The following MARK2 variants were observed in gnomAD, a reference collection of about 807,000 sequenced individuals.
MARK2 encodes microtubule affinity regulating kinase 2.
In MARK2, 16 loss-of-function variants were observed where a neutral mutation model predicts 89.8. That is an observed-to-expected ratio of 0.18 (90% CI 0.12 to 0.27). MARK2 has a LOEUF of 0.27. MARK2 is among the 10% of genes least tolerant of loss of function. The pLI is 1.00. For missense variants in MARK2, 621 were observed against 1,049.9 expected (o/e 0.59, Z 5.65); for synonymous variants, 382 against 399.5 (o/e 0.96, Z 0.52).
In MARK2 at chr11:63,904,091, C is replaced by A; in HGVS notation, c.1620C>A (p.Pro540=). 1.2e-6 allele frequency: 2 copies of A among 1,604,498 alleles called. No individual in the cohort carries two copies. Among genetic ancestry groups the A allele is most frequent in the Non-Finnish European group, 8.5e-7 (1 of 1,178,990 alleles). ...HQKSMSASVH[P]NKASGLPPTE... ...AATCCATGTCGGCCTCCGTGCACCC[C>A]AACAAGGCCTCTGGGCTGCCCCCCA... is the stretch of plus-strand genomic sequence containing the variant. Residue 540 remains proline (P), a synonymous_variant, in exon 15 of 19, where the codon CCC becomes CCA. Transcript: ENST00000402010. This position sits in a 1 kb window ranked among gnomAD's most constrained non-coding sequence, Gnocchi z 6.3.
intron 7 of MARK2, among the ~76,000 whole-genome samples, 195 bp from the exon 8 acceptor site, chr11:63,899,679 T>C (rs1295691726): frequency 6.6e-6 from 1 of 152,204 alleles, no homozygotes; most frequent in Non-Finnish European, 1.5e-5. Flanking sequence ...GCTGCCCACG[T>C]GAGGAGTGGC....
At chr11:63,888,614 C>G in intron 1 of MARK2, 2 of 1,146,600 alleles carry the variant, frequency 1.7e-6, no homozygotes, top group South Asian at 3.6e-5. Flanking sequence ...CCTGGAATTG[C>G]ACGCGCTTCC....
chr11:63,841,409 C>A (rs2016009622), intron 1 of MARK2, among the ~76,000 whole-genome samples: 1 of 152,110 alleles, frequency 6.6e-6, no homozygotes, highest in African/African-American at 2.4e-5. Flanking sequence ...TCCATTTCAT[C>A]ACTGGGTTTG....
Position 63,898,654 on chromosome 11 carries a change from C to G in MARK2, c.384C>G (p.Val128=). The part of the protein sequence containing the change: ...VIETEKTLYL[V]MEYASGGEVF... ...AGACTGAGAAAACGCTCTACCTTGT[C>G]ATGGAGTACGCTAGTGGCGGTAGGT... is the stretch of plus-strand genomic sequence containing the variant. The change falls in exon 5 of 19, where the codon GTC becomes GTG. Residue 128 remains valine, a synonymous_variant. Transcript: ENST00000402010. 1 of 1,614,138 alleles carries G rather than the reference C, an allele frequency of 6.2e-7. No individual in the cohort carries two copies. Among genetic ancestry groups the G allele is most frequent in the African/African-American group, 1.3e-5 (1 of 75,054 alleles).
chr11:63,905,155 G>T (rs1941226599), intron 16 of MARK2, 112 bp downstream of exon 16: 2 of 1,260,378 alleles, frequency 1.6e-6, no homozygotes, highest in Non-Finnish European at 2.2e-6. Context: ...CCGGTATTGG[G>T]TCCTGGGGTT....
intron 18 of MARK2, among the ~76,000 whole-genome samples, chr11:63,908,533 C>T (rs1246360072): frequency 5.3e-5 from 8 of 152,190 alleles, no homozygotes; most frequent in East Asian, 1.9e-4. Context: ...AGTTCTGGGT[C>T]GGGTGGTTGG....
In MARK2 at chr11:63,870,639, G is replaced by C. The variant is rs116175748; in HGVS notation, c.55-24520G>C. On this transcript the variant is annotated intron_variant, in intron 1 of 18. Transcript: ENST00000402010. Reference sequence around the variant, plus strand: ...TGCTGCTCTCAGTCTGTGTAATAGTGAACAAGACAGCCAACAAGAGTTGTG... The same window carrying C: ...TGCTGCTCTCAGTCTGTGTAATAGTCAACAAGACAGCCAACAAGAGTTGTG... 1.2e-3 allele frequency among the ~76,000 whole-genome samples: 189 copies of C among 152,310 alleles called. 1 individual carries two copies. Among genetic ancestry groups the C allele is most frequent in the African/African-American group, 4.4e-3 (184 of 41,558 alleles).
At chr11:63,870,365 G>A (rs1312844092) in intron 1 of MARK2, among the ~76,000 whole-genome samples, 2 of 152,130 alleles carry the variant, frequency 1.3e-5, no homozygotes, top group Non-Finnish European at 2.9e-5. Flanking sequence ...GAGCCGTGGC[G>A]CCCGGCTGGG....
rs1276154302 is a variant in MARK2, at chr11:63,903,050, A to G, written c.1417-11A>G. 6.2e-7 allele frequency: 1 copy of G among 1,612,376 alleles called. No individual in the cohort carries two copies. The highest frequency in any genetic ancestry group is 1.1e-5 in the South Asian group (1 of 91,046). ...CTTTCTGATAGAACGCTTGCCCTTT[A>G]TTCCCCACAGAACAGCGTCCTCTCC... is the stretch of plus-strand genomic sequence containing the variant. On this transcript the variant is annotated splice_polypyrimidine_tract_variant and intron_variant, in intron 13 of 18. Transcript: ENST00000402010. The surrounding 1 kb of genome is among the most constrained non-coding windows in gnomAD (Gnocchi z 5.1).
At chr11:63,889,003 C>T (rs1006683483) in intron 1 of MARK2, 2 of 1,323,364 alleles carry the variant, frequency 1.5e-6, no homozygotes, top group African/African-American at 3.0e-5. Context: ...TTGCCTCCTC[C>T]TCTTTCTTTC....
intron 1 of MARK2, among the ~76,000 whole-genome samples, chr11:63,857,218 G>A (rs983299976): frequency 6.6e-6 from 1 of 152,162 alleles, no homozygotes; most frequent in Non-Finnish European, 1.5e-5. Context: ...CCAGGGTGGA[G>A]TGTGGTGGCA....
intron 4 of MARK2, among the ~76,000 whole-genome samples, 157 bp downstream of exon 4, chr11:63,898,437 AC>A (rs1401865397): frequency 6.6e-6 from 1 of 152,124 alleles, no homozygotes; most frequent in Non-Finnish European, 1.5e-5. Context: ...CCCTTCTGGC[AC>A]ACTGGGCTGT....
intron 1 of MARK2, among the ~76,000 whole-genome samples, chr11:63,874,377 T>G (rs1044859370): frequency 6.6e-6 from 1 of 152,214 alleles, no homozygotes; most frequent in African/African-American, 2.4e-5. Context: ...ACATCTCCTC[T>G]TTTTTCAGCC....
intron 1 of MARK2, among the ~76,000 whole-genome samples, chr11:63,844,987 G>A (rs562113514): frequency 1.3e-5 from 2 of 152,192 alleles, no homozygotes; most frequent in African/African-American, 4.8e-5. Context: ...GCCCATTATC[G>A]ACAAATGGGG....
At chr11:63,894,041 G>A (rs556036248) in intron 1 of MARK2, among the ~76,000 whole-genome samples, 1 of 152,324 alleles carries the variant, frequency 6.6e-6, no homozygotes, top group Non-Finnish European at 1.5e-5. Context: ...AGTGCTGGTA[G>A]TTGTAGCTTC....
At chr11:63,887,014 T>C (rs1939441199) in intron 1 of MARK2, among the ~76,000 whole-genome samples, 2 of 152,176 alleles carry the variant, frequency 1.3e-5, no homozygotes, top group African/African-American at 2.4e-5. Flanking sequence ...GGGCCCACTT[T>C]TGGGGGGCTG....
intron 1 of MARK2, chr11:63,868,752 T>G (rs1425970411): frequency 2.2e-6 from 1 of 455,986 alleles, no homozygotes; most frequent in Admixed American, 2.3e-5. Context: ...GCCTCTTTTT[T>G]GATGGGTGGG....
chr11:63,896,628 A>C (rs1372505320), intron 3 of MARK2, among the ~76,000 whole-genome samples: 2 of 152,202 alleles, frequency 1.3e-5, no homozygotes, highest in East Asian at 3.8e-4. Context: ...AGAGTGGATG[A>C]GTTGTTCTCC....
intron 1 of MARK2, among the ~76,000 whole-genome samples, chr11:63,883,043 T>C (rs1939190437): frequency 6.6e-6 from 1 of 152,166 alleles, no homozygotes; most frequent in African/African-American, 2.4e-5. Context: ...CTTGTTGGTC[T>C]CCATGGTTAC....
Sources: gnomAD v4.1 joint callset for allele counts (sites outside exome capture counted in the v4.1 genomes callset) on GRCh38, gnomAD v4.1.1 for gene constraint, Gnocchi (gnomAD v3.1) non-coding constraint, MANE v1.5 for transcripts, NCBI Gene and HGNC (gene_info 2026-07-23, HGNC 2026-07-21) for gene names.